Variants in MYH16 observed in about 807,000 individuals in gnomAD.
MYH16 encodes the protein myosin heavy chain 16.
At chr7:99,254,926 G>A (rs1358123770) in intron 8 of MYH16, among the ~76,000 whole-genome samples, 2 of 152,136 alleles carry the variant, frequency 1.3e-5, no homozygotes, top group East Asian at 3.9e-4. Flanking sequence ...CTTGAGCCCA[G>A]GAGTTTGAGA....
intron 34 of MYH16, 99 bp downstream of exon 15, chr7:99,297,016 A>C: frequency 2.5e-6 from 1 of 397,666 alleles, no homozygotes; most frequent in South Asian, 1.8e-5. Flanking sequence ...TACCTGGCAC[A>C]TAGTAGGTGC....
chr7:99,296,668 G>A (rs1213737123), intron 33 of MYH16, 33 bp from the exon 15 acceptor site: 2 of 454,288 alleles, frequency 4.4e-6, no homozygotes, highest in Non-Finnish European at 8.8e-6. Context: ...CAAGGAGGTT[G>A]GACCCCTAGA....
intron 38 of MYH16, among the ~76,000 whole-genome samples, chr7:99,302,310 AAAT>A (rs1369886070): frequency 3.4e-5 from 4 of 118,142 alleles, no homozygotes; most frequent in East Asian, 2.1e-4. Context: ...AAAAAAAAAA[AAAT>A]ATATACACAC....
intron 39 of MYH16, among the ~76,000 whole-genome samples, chr7:99,303,433 G>T (rs1285717450): frequency 6.6e-6 from 1 of 152,276 alleles, no homozygotes; most frequent in African/African-American, 2.4e-5. Flanking sequence ...TATAGCACAA[G>T]GCCCGGGGTC....
intron 36 of MYH16, 140 bp downstream of exon 17, chr7:99,298,135 T>C (rs1792530932): frequency 1.1e-5 from 4 of 369,838 alleles, no homozygotes; most frequent in South Asian, 8.1e-5. Context: ...TCCTCATCTA[T>C]GAAATGGAAA....
At chr7:99,269,327 G>A (rs1171227381) in intron 18 of MYH16, among the ~76,000 whole-genome samples, 1 of 150,868 alleles carries the variant, frequency 6.6e-6, no homozygotes, top group East Asian at 1.9e-4. Context: ...CCAGGCTGGA[G>A]TGCAGTGACA....
At chr7:99,270,971 G>A (rs1015737833) in exon 19 of MYH16, 21 of 152,668 alleles carry the variant, frequency 1.4e-4, no homozygotes, top group Non-Finnish European at 2.6e-4. Context: ...TCTTCCGTGC[G>A]GGCATCCTGG....
chr7:99,256,630 C>T (rs1048432900), intron 9 of MYH16, among the ~76,000 whole-genome samples: 1 of 152,142 alleles, frequency 6.6e-6, no homozygotes, highest in Non-Finnish European at 1.5e-5. Flanking sequence ...AAAAAATTAG[C>T]CAGGCATGGT....
At chr7:99,304,303 C>T (rs943034931) in intron 39 of MYH16, among the ~76,000 whole-genome samples, 5 of 152,160 alleles carry the variant, frequency 3.3e-5, no homozygotes, top group African/African-American at 1.2e-4. Context: ...CATGCTGTGC[C>T]CCTCATGGAG....
downstream of MYH16, among the ~76,000 whole-genome samples, chr7:99,307,302 A>G (rs1157149354): frequency 6.6e-6 from 1 of 152,256 alleles, no homozygotes. Flanking sequence ...AATGATAATT[A>G]TCATCACAGC....
intron 41 of MYH16, among the ~76,000 whole-genome samples, 174 bp downstream of exon 22, chr7:99,306,210 C>A (rs560988262): frequency 2.0e-5 from 3 of 152,120 alleles, no homozygotes; most frequent in Non-Finnish European, 4.4e-5. Flanking sequence ...GGAGGGAGGA[C>A]CAGACACTAC....
intron 18 of MYH16, among the ~76,000 whole-genome samples, chr7:99,267,675 A>C (rs1279310768): frequency 6.6e-6 from 1 of 151,862 alleles, no homozygotes. Flanking sequence ...GGACTGACTC[A>C]GACAGAGCAA....
exon 19 of MYH16, chr7:99,271,011 C>G (rs917712729): frequency 3.9e-5 from 6 of 152,690 alleles, no homozygotes; most frequent in Non-Finnish European, 8.8e-5. Context: ...GGACGAGCGT[C>G]TGGCCAAGAT....
chr7:99,287,949 G>A (rs1162260929), exon 29 of MYH16: 1 of 456,654 alleles, frequency 2.2e-6, no homozygotes, highest in African/African-American at 2.0e-5. Flanking sequence ...GGAGCTGGAA[G>A]AGGCCGCCCT....
chr7:99,245,614 G>A (rs1367848944), intron 2 of MYH16, among the ~76,000 whole-genome samples: 5 of 152,086 alleles, frequency 3.3e-5, no homozygotes, highest in East Asian at 1.9e-4. Flanking sequence ...TGCAACCTCC[G>A]CTTCCCGGGT....
intron 30 of MYH16, among the ~76,000 whole-genome samples, chr7:99,290,015 T>C (rs1792345047): frequency 6.6e-6 from 1 of 152,222 alleles, no homozygotes; most frequent in Non-Finnish European, 1.5e-5. Context: ...TATAAGTTAA[T>C]TTCTAACTTT....
chr7:99,279,512 G>T (rs574601516), exon 22 of MYH16: 1 of 456,670 alleles, frequency 2.2e-6, no homozygotes, highest in Admixed American at 2.3e-5. Context: ...CCCAACAGGA[G>T]CAAGAGAACC....
intron 32 of MYH16, among the ~76,000 whole-genome samples, chr7:99,293,321 C>T (rs1267317038): frequency 3.3e-5 from 5 of 152,202 alleles, no homozygotes; most frequent in South Asian, 2.1e-4. Flanking sequence ...ACTGAAATTT[C>T]TGCTAATATG....
At chr7:99,293,061 G>T (rs1473929186) in intron 32 of MYH16, among the ~76,000 whole-genome samples, 1 of 152,138 alleles carries the variant, frequency 6.6e-6, no homozygotes, top group Non-Finnish European at 1.5e-5. Context: ...GGCTGGCCTG[G>T]GTGTCCCTGG....
Sources: allele counts gnomAD v4.1 joint callset (sites outside exome capture counted in the v4.1 genomes callset), GRCh38; gene constraint gnomAD v4.1.1; transcripts MANE v1.5; gene names NCBI Gene and HGNC (gene_info 2026-07-23, HGNC 2026-07-21).